WWOX: variants seen among roughly 807,000 people sequenced by gnomAD.
The protein encoded by WWOX is WW domain-containing oxidoreductase.
In WWOX, 69 loss-of-function variants were observed where a neutral mutation model predicts 46.2. That is an observed-to-expected ratio of 1.49 (90% confidence interval 1.23 to 1.82). The LOEUF (loss-of-function observed/expected upper bound fraction) is 1.82. WWOX is among the 40% of genes most tolerant of loss of function. WWOX has a pLI of 0.00. For synonymous variants in WWOX, 359 were observed against 202.6 expected (o/e 1.77, Z -6.56); for missense variants, 919 against 542.6 (o/e 1.69, Z -6.89).
At chr16:79,165,935 C>G (rs946672365) in intron 8 of WWOX, among the ~76,000 whole-genome samples, 1 of 152,238 alleles carries the variant, frequency 6.6e-6, no homozygotes, top group Non-Finnish European at 1.5e-5. Flanking sequence ...CCAGCCCTCT[C>G]AGACATTTTC....
At chr16:78,558,241 A>T (rs2044353823) in intron 8 of WWOX, among the ~76,000 whole-genome samples, 1 of 152,138 alleles carries the variant, frequency 6.6e-6, no homozygotes, top group Admixed American at 6.5e-5. Context: ...AAGTAAGAAA[A>T]TTTCTAGTGC....
At chr16:78,229,500 C>CTA (rs1202195249) in intron 5 of WWOX, among the ~76,000 whole-genome samples, 1,244 of 110,414 alleles carry the variant, frequency 0.011, 20 homozygotes, top group African/African-American at 0.039. Flanking sequence ...ATATATTTAT[C>CTA]TATATCTATA....
At chr16:78,459,937 T>A (rs1005074503) in intron 8 of WWOX, among the ~76,000 whole-genome samples, 4 of 151,784 alleles carry the variant, frequency 2.6e-5, no homozygotes, top group East Asian at 1.9e-4. Flanking sequence ...CCCGGGTAGT[T>A]AGGGCTACAG....
Position 78,385,449 on chromosome 16 carries a change from G to C in WWOX, c.517-1411G>C, listed in dbSNP as rs566383162. On this transcript the variant is annotated intron_variant, in intron 5 of 8. Coordinates refer to ENST00000566780, the MANE Select transcript of WWOX (RefSeq NM_016373.4). ...ATGTATCGTTACAAACCTATGAGTA[G>C]ATGACTAATATTCATCTTTTACAGA... Among the ~76,000 whole-genome samples the C allele has an allele frequency of 3.9e-5, 6 of 152,322 alleles. No individual in the cohort carries two copies. In the South Asian group the frequency reaches 1.2e-3, roughly 32 times the overall value.
In WWOX at chr16:79,212,044, G is replaced by A. The variant is rs916058522; in HGVS notation, c.*248G>A. 4 of 1,536,332 alleles carry A rather than the reference G, an allele frequency of 2.6e-6. No homozygotes were observed. Among genetic ancestry groups the A allele is most frequent in the Non-Finnish European group, 3.5e-6 (4 of 1,146,920 alleles). ...TTTGCTTTCTGGTGGTGGCCTGTTT[G>A]AAAGTAAAAACCTGCTTGGTGTGTA... On this transcript the variant is annotated 3_prime_UTR_variant, in exon 9 of 9. Transcript: ENST00000566780.
In WWOX at chr16:78,670,557, C is replaced by T. The variant is rs28664623; in HGVS notation, c.1056+237805C>T. Among the ~76,000 whole-genome samples the T allele has an allele frequency of 9.3e-3, 1,420 of 152,094 alleles. 21 individuals carry two copies. The highest frequency in any genetic ancestry group is 0.033 in the African/African-American group (1,353 of 41,504). On this transcript the variant is annotated intron_variant, in intron 8 of 8. Transcript: ENST00000566780. ...ACACAGGCTTCAGAGTCCAGCCAGC[C>T]CCAGGTTTGGATTACAGATGGTTGC...
At chr16:78,103,240 CT>C (rs1567570107) in intron 1 of WWOX, among the ~76,000 whole-genome samples, 3 of 117,304 alleles carry the variant, frequency 2.6e-5, no homozygotes, top group Non-Finnish European at 5.8e-5. Flanking sequence ...TCTGGCTCCG[CT>C]GTTTTTTTTT....
chr16:78,793,152 A>C (rs1434332284), intron 8 of WWOX, among the ~76,000 whole-genome samples: 1 of 152,140 alleles, frequency 6.6e-6, no homozygotes, highest in South Asian at 2.1e-4. Flanking sequence ...AGGTCACTGC[A>C]ACTGCTGTCT....
intron 8 of WWOX, among the ~76,000 whole-genome samples, chr16:78,445,761 C>A (rs2083544229): frequency 6.6e-6 from 1 of 151,834 alleles, no homozygotes; most frequent in Non-Finnish European, 1.5e-5. Context: ...TCCTGTAGTC[C>A]CAGCTACTCT....
At chr16:79,160,119 G>C (rs530308415) in intron 8 of WWOX, among the ~76,000 whole-genome samples, 1 of 152,302 alleles carries the variant, frequency 6.6e-6, no homozygotes, top group East Asian at 1.9e-4. Context: ...AATTCACTCG[G>C]CAAGAAGCCG....
intron 6 of WWOX, among the ~76,000 whole-genome samples, chr16:78,419,514 C>A (rs1056830061): frequency 4.0e-5 from 6 of 150,612 alleles, no homozygotes; most frequent in African/African-American, 1.5e-4. Flanking sequence ...AGCAAGGATG[C>A]CAAGACAATT....
intron 8 of WWOX, among the ~76,000 whole-genome samples, chr16:79,068,718 G>A (rs961745510): frequency 2.0e-5 from 3 of 151,780 alleles, no homozygotes; most frequent in African/African-American, 7.3e-5. Flanking sequence ...GGCTGAGGTG[G>A]GAGGATGGCT....
chr16:78,219,315 T>A (rs78877535), intron 5 of WWOX, among the ~76,000 whole-genome samples: 12,893 of 152,278 alleles, frequency 0.085, 724 homozygotes, highest in Non-Finnish European at 0.12. Context: ...CTCTTCTTGT[T>A]AATTTGCGCC....
At chr16:78,227,852 G>C (rs1377545065) in intron 5 of WWOX, among the ~76,000 whole-genome samples, 1 of 152,126 alleles carries the variant, frequency 6.6e-6, no homozygotes, top group African/African-American at 2.4e-5. Flanking sequence ...CTCCAGCCTG[G>C]GTGACAGAGC....
intron 5 of WWOX, among the ~76,000 whole-genome samples, chr16:78,286,224 C>T (rs1405018173): frequency 3.3e-5 from 5 of 152,204 alleles, no homozygotes; most frequent in Admixed American, 6.5e-5. Context: ...ATGCAGCCAG[C>T]GTAATTAATT....
intron 8 of WWOX, among the ~76,000 whole-genome samples, chr16:78,520,721 C>G (rs745540700): frequency 7.9e-5 from 12 of 151,914 alleles, no homozygotes; most frequent in Non-Finnish European, 1.8e-4. Flanking sequence ...CCTGCATTGG[C>G]CACCCCTGTA....
intron 8 of WWOX, chr16:78,895,319 T>G (rs777632293): frequency 3.3e-5 from 5 of 152,168 alleles, no homozygotes; most frequent in Middle Eastern, 3.2e-3. Context: ...TAACTTAAGT[T>G]TCTGTGCATA....
chr16:78,984,629 T>C (rs967037583), intron 8 of WWOX, among the ~76,000 whole-genome samples: 1 of 152,236 alleles, frequency 6.6e-6, no homozygotes, highest in African/African-American at 2.4e-5. Context: ...AGTCAATGTT[T>C]CTGTCTCAAC....
intron 8 of WWOX, among the ~76,000 whole-genome samples, chr16:78,453,926 A>G (rs115016805): frequency 2.0e-5 from 3 of 152,036 alleles, no homozygotes; most frequent in Non-Finnish European, 2.9e-5. Flanking sequence ...CTTTTGCATC[A>G]ATTATTTCTA....
Sources: gnomAD v4.1 joint callset for allele counts (sites outside exome capture counted in the v4.1 genomes callset) on GRCh38, gnomAD v4.1.1 for gene constraint, MANE v1.5 for transcripts, NCBI Gene and HGNC (gene_info 2026-07-23, HGNC 2026-07-21) for gene names.